Variants in SLC6A19 observed in about 807,000 individuals in gnomAD.
The protein encoded by SLC6A19 is sodium-dependent neutral amino acid transporter B(0)AT1.
Under a neutral mutation model 68.3 loss-of-function variants are expected in SLC6A19, and 67 were observed. The ratio of observed to expected loss-of-function variants is 0.98; its 90% CI spans 0.81 to 1.20. The LOEUF is 1.20. Ranked by LOEUF, SLC6A19 falls within the 50% of genes most tolerant of loss-of-function variation. The probability of loss-of-function intolerance (pLI) is 0.00; values close to 1 mark genes in which losing one functional copy is unlikely to be tolerated. For missense variants in SLC6A19, 813 were observed against 851.6 expected, an observed-to-expected ratio of 0.95 and a Z score of 0.56; for synonymous variants, 392 against 374.9, an observed-to-expected ratio of 1.05 and a Z score of -0.53.
Position 1,214,786 on chromosome 5 carries a change from A to G in SLC6A19, c.887+721A>G, listed in dbSNP as rs1746158535. ...GCTGTGAAGGTGCGATTGGAGTCAGACACAGGGGACCCTCAGTGCAAGGGG... is the reference window on the plus strand; with the variant it reads ...GCTGTGAAGGTGCGATTGGAGTCAGGCACAGGGGACCCTCAGTGCAAGGGG... On this transcript the variant is annotated intron_variant, in intron 6 of 11. Coordinates refer to ENST00000304460, the MANE Select transcript of SLC6A19 (RefSeq NM_001003841.3). The surrounding 1 kb of genome is among the most constrained non-coding windows in gnomAD (Gnocchi z 7.4). Among the ~76,000 whole-genome samples, 1 of 148,954 alleles carries G rather than the reference A, an allele frequency of 6.7e-6. No homozygotes were observed. Among genetic ancestry groups the G allele is most frequent in the Non-Finnish European group, 1.5e-5 (1 of 67,002 alleles).
chr5:1,224,215 C>A lies in SLC6A19; in HGVS notation c.*2311C>A, dbSNP rs1346629986. The A allele has an allele frequency of 1.3e-5, 2 of 152,266 alleles. No homozygotes were observed. The highest frequency in any genetic ancestry group is 2.4e-5 in the African/African-American group (1 of 41,456). The allele number at this position is 152,266 out of a possible 1,614,324, so 9.4% of individuals were successfully genotyped here. On this transcript the variant is annotated 3_prime_UTR_variant, in exon 12 of 12. Coordinates refer to ENST00000304460, the MANE Select transcript of SLC6A19 (RefSeq NM_001003841.3). ...ATGTGCCCTGGCATCCATTGGTGTA[C>A]CCTGGTGTGCCTGCCATAGGACCCT...
intron 2 of SLC6A19, 110 bp from the exon 3 acceptor site, chr5:1,210,334 C>T (rs1745989124): frequency 1.3e-6 from 2 of 1,498,384 alleles, no homozygotes; most frequent in African/African-American, 1.4e-5. Flanking sequence ...TGGAGTAGCC[C>T]ATCCCAGCCA....
rs947244937 is a variant in SLC6A19, at chr5:1,205,633, C to T, written c.203-3113C>T. ...AGGAGTTTTCTCAATGGAGATGAAG[C>T]GATAGGAAGACCCGAGCATTTAGGG... On this transcript the variant is annotated intron_variant, in intron 1 of 11. Coordinates refer to ENST00000304460, the MANE Select transcript of SLC6A19 (RefSeq NM_001003841.3). 1.3e-4 allele frequency among the ~76,000 whole-genome samples: 20 copies of T among 152,270 alleles called. No homozygotes were observed. In the East Asian group the frequency reaches 1.9e-3, roughly 15 times the overall value.
rs143479908 is a variant in SLC6A19, at chr5:1,217,585, G to A, written c.1173+640G>A. Reference sequence around the variant, plus strand: ...GCCACTGGGAGAAGAGCTGGGCAGAGCGAGCCATTTCCGCACCAGCTGGAG... The same window carrying A: ...GCCACTGGGAGAAGAGCTGGGCAGAACGAGCCATTTCCGCACCAGCTGGAG... On this transcript the variant is annotated intron_variant, in intron 8 of 11. Transcript: ENST00000304460. Among the ~76,000 whole-genome samples the A allele has an allele frequency of 4.5e-3, 689 of 152,278 alleles. 4 individuals carry two copies. Among genetic ancestry groups the A allele is most frequent in the Non-Finnish European group, 5.8e-3 (396 of 68,018 alleles).
chr5:1,208,920 G>A, intron 2 of SLC6A19, 34 bp downstream of exon 2: 7 of 1,593,084 alleles, frequency 4.4e-6, no homozygotes, highest in Non-Finnish European at 6.0e-6. Context: ...CCCGGGCCCA[G>A]GGGTCGCCTC....
chr5:1,217,066 C>A, intron 8 of SLC6A19, 121 bp downstream of exon 8: 3 of 1,475,618 alleles, frequency 2.0e-6, no homozygotes, highest in Non-Finnish European at 2.8e-6. Flanking sequence ...GCCGGGAGGC[C>A]CAGCTCCCAC....
intron 8 of SLC6A19, among the ~76,000 whole-genome samples, 172 bp downstream of exon 8, chr5:1,217,117 C>T (rs773172435): frequency 6.6e-6 from 1 of 152,224 alleles, no homozygotes; most frequent in Non-Finnish European, 1.5e-5. Flanking sequence ...CGGTCTGGGG[C>T]GCTGGTGTCT....
rs1430923679 is a variant in SLC6A19, at chr5:1,215,348, G to A, written c.888-1210G>A. On this transcript the variant is annotated intron_variant, in intron 6 of 11. Transcript: ENST00000304460. The surrounding 1 kb of genome is among the most constrained non-coding windows in gnomAD (Gnocchi z 5.1). ...AGTTGTGAAGCCAGCCATCAGCACT[G>A]TCCAGTTCTAGAAGGTTCCAATCAG... Among the ~76,000 whole-genome samples, 1 of 152,226 alleles carries A rather than the reference G, an allele frequency of 6.6e-6. No homozygotes were observed. The highest frequency in any genetic ancestry group is 2.4e-5 in the African/African-American group (1 of 41,456).
chr5:1,211,961 G>C (rs1746048085), intron 3 of SLC6A19, among the ~76,000 whole-genome samples: 2 of 139,656 alleles, frequency 1.4e-5, no homozygotes, highest in Admixed American at 7.0e-5. Context: ...ATGTGTGCCT[G>C]TGTGCATGTG....
intron 1 of SLC6A19, among the ~76,000 whole-genome samples, chr5:1,206,643 G>A (rs1745859651): frequency 1.3e-5 from 2 of 152,038 alleles, no homozygotes; most frequent in African/African-American, 4.8e-5. Flanking sequence ...TGCCCAGCCT[G>A]GGGGGCGGGA....
chr5:1,208,429 C>T (rs574733083), intron 1 of SLC6A19, among the ~76,000 whole-genome samples: 7 of 152,302 alleles, frequency 4.6e-5, no homozygotes, highest in Non-Finnish European at 7.4e-5. Context: ...TCCCAGGCAG[C>T]GGCTGTGGTT....
At chr5:1,210,263 A>C (rs987923936) in intron 2 of SLC6A19, among the ~76,000 whole-genome samples, 181 bp from the exon 3 acceptor site, 1 of 152,246 alleles carries the variant, frequency 6.6e-6, no homozygotes, top group Non-Finnish European at 1.5e-5. Flanking sequence ...AGGCGTGTAC[A>C]GGCTGCACCA....
At position 1,219,094 on chromosome 5, in the gene SLC6A19, G is replaced by A. The variant is rs777627130; in HGVS notation, c.1365G>A (p.Lys455=). 56 of 1,613,214 alleles carry A rather than the reference G, an allele frequency of 3.5e-5. No individual in the cohort carries two copies. Among genetic ancestry groups the A allele is most frequent in the Non-Finnish European group, 4.5e-5 (53 of 1,179,736 alleles). The change falls in exon 9 of 12, where the codon AAG becomes AAA. Residue 455 remains lysine (K), a synonymous_variant. Coordinates refer to ENST00000304460, the MANE Select transcript of SLC6A19 (RefSeq NM_001003841.3). Reference sequence around the variant, plus strand: ...GAGTCATCCCCCCGAAGTGGCCCAAGGAGGTGCTCACAGGTACGTGTGCAG... The same window carrying A: ...GAGTCATCCCCCCGAAGTGGCCCAAAGAGGTGCTCACAGGTACGTGTGCAG... ...DLRVIPPKWP[K]EVLTGLICLG...
chr5:1,214,750 T>C lies in SLC6A19; in HGVS notation c.887+685T>C, dbSNP rs370518417. 2.0e-5 allele frequency among the ~76,000 whole-genome samples: 3 copies of C among 147,008 alleles called. No homozygotes were observed. The East Asian group carries it at 6.2e-4, about 30-fold the overall frequency. On this transcript the variant is annotated intron_variant, in intron 6 of 11. Transcript: ENST00000304460. The surrounding 1 kb of genome is among the most constrained non-coding windows in gnomAD (Gnocchi z 7.4). The stretch of plus-strand genomic sequence containing the variant: ...GAGGGAGGACTCCTAGGGGTCAGGG[T>C]GGCCCTCCAGGCTGTGAAGGTGCGA...
Position 1,214,345 on chromosome 5 carries a change from T to C in SLC6A19, c.887+280T>C, listed in dbSNP as rs1327348223. On this transcript the variant is annotated intron_variant, in intron 6 of 11. Transcript: ENST00000304460. This position sits in a 1 kb window ranked among gnomAD's most constrained non-coding sequence, Gnocchi z 7.4. ...AGCCTGGTGCAGACCCCTCCTGTGC[T>C]CTCCCCAGTTCCCTGCTCCACACCC... Among the ~76,000 whole-genome samples, 3 of 151,924 alleles carry C rather than the reference T, an allele frequency of 2.0e-5. No homozygotes were observed. In the East Asian group the frequency reaches 5.8e-4, roughly 29 times the overall value.
In SLC6A19 at chr5:1,222,603, G is replaced by T. The variant is rs538578797; in HGVS notation, c.*699G>T. Reference sequence around the variant, plus strand: ...GTGTATATGTGTGTGATGTGTGCTCGTGTGTGTGCATATTCAGGCAGGTGT... The same window carrying T: ...GTGTATATGTGTGTGATGTGTGCTCTTGTGTGTGCATATTCAGGCAGGTGT... On this transcript the variant is annotated 3_prime_UTR_variant, in exon 12 of 12. Transcript: ENST00000304460. 1.6e-5 allele frequency: 5 copies of T among 315,276 alleles called. No individual in the cohort carries two copies. 19.5% of individuals were successfully genotyped at this position (315,276 alleles called of 1,614,324 possible).
rs1410163173 is a variant in SLC6A19, at chr5:1,215,464, T to G, written c.888-1094T>G. Among the ~76,000 whole-genome samples the G allele has an allele frequency of 6.6e-6, 1 of 152,252 alleles. No homozygotes were observed. Among genetic ancestry groups the G allele is most frequent in the African/African-American group, 2.4e-5 (1 of 41,468 alleles). On this transcript the variant is annotated intron_variant, in intron 6 of 11. Transcript: ENST00000304460. The surrounding 1 kb of genome is among the most constrained non-coding windows in gnomAD (Gnocchi z 5.1). ...GATGCGCTCTCTGCCTCTGTGGCTG[T>G]GCCTAGTCCGGACATTTCCTGCGAA...
intron 1 of SLC6A19, among the ~76,000 whole-genome samples, chr5:1,208,336 T>C (rs1745912938): frequency 6.6e-6 from 1 of 152,054 alleles, no homozygotes; most frequent in Non-Finnish European, 1.5e-5. Flanking sequence ...GGCACGCTGC[T>C]GTTGGAAGCC....
Position 1,221,923 on chromosome 5 carries a change from G to C in SLC6A19, c.*19G>C. On this transcript the variant is annotated 3_prime_UTR_variant, in exon 12 of 12. Transcript: ENST00000304460. The stretch of plus-strand genomic sequence containing the variant: ...GTACTGAGAAGGCCCATCCCACGGC[G>C]TGCCATACACTGGTGTCAGGGAAGG... 3.1e-6 allele frequency: 5 copies of C among 1,612,522 alleles called. No homozygotes were observed. In the South Asian group the frequency reaches 3.3e-5, roughly 11 times the overall value.
Sources: allele counts gnomAD v4.1 joint callset (sites outside exome capture counted in the v4.1 genomes callset), GRCh38; gene constraint gnomAD v4.1.1; non-coding constraint Gnocchi (gnomAD v3.1); transcripts MANE v1.5; gene names NCBI Gene and HGNC (gene_info 2026-07-23, HGNC 2026-07-21).